The following CPNE4 variants were observed in gnomAD, a reference collection of about 807,000 sequenced individuals.
CPNE4 encodes the protein copine-4.
In CPNE4, 25 loss-of-function variants were observed where a neutral mutation model predicts 67.9. The observed-to-expected ratio is 0.37, with a 90% CI of 0.27 to 0.51. CPNE4 has a LOEUF of 0.51. Among genes scored for constraint, CPNE4 ranks in the 20% least tolerant of loss-of-function variants. The pLI, the probability that CPNE4 is intolerant of heterozygous loss-of-function variation, is 0.93. For synonymous variants in CPNE4, 242 were observed against 244.9 expected (o/e 0.99, Z 0.11); for missense variants, 464 against 690.8 (o/e 0.67, Z 3.68).
chr3:131,803,046 C>T (rs1007751031), intron 2 of CPNE4, among the ~76,000 whole-genome samples: 6 of 152,086 alleles, frequency 3.9e-5, no homozygotes, highest in Admixed American at 6.6e-5. Context: ...GTTATCTATC[C>T]AATTCAGTTT....
At chr3:131,698,858 C>T (rs116494183) in intron 4 of CPNE4, among the ~76,000 whole-genome samples, 2,910 of 139,388 alleles carry the variant, frequency 0.021, 107 homozygotes, top group African/African-American at 0.075. Flanking sequence ...TGTAGTGTGC[C>T]GATATCGTGC....
At position 131,969,604 on chromosome 3, in the gene CPNE4, C is replaced by T. The variant is rs141874564; in HGVS notation, c.-1-64160G>A. 1.2e-4 allele frequency among the ~76,000 whole-genome samples: 18 copies of T among 152,246 alleles called. No homozygotes were observed. The East Asian group carries it at 3.5e-3, about 29-fold the overall frequency. On this transcript the variant is annotated intron_variant, in intron 1 of 15. Coordinates refer to ENST00000429747, the MANE Select transcript of CPNE4 (RefSeq NM_130808.3). ...TTCTTCTCACTGACTAAGAACAGTG[C>T]TCTCAACACAGTGGAGACTCGGTAA...
At chr3:131,952,259 C>G (rs186323116) in intron 1 of CPNE4, among the ~76,000 whole-genome samples, 1 of 151,698 alleles carries the variant, frequency 6.6e-6, no homozygotes, top group East Asian at 2.0e-4. Flanking sequence ...GCCGCGAACC[C>G]GTATGGGAGG....
chr3:131,957,821 G>A (rs78776550), intron 1 of CPNE4, among the ~76,000 whole-genome samples: 8,079 of 152,282 alleles, frequency 0.053, 430 homozygotes, highest in African/African-American at 0.13. Context: ...GAAAGTGAAC[G>A]AGACGCAGAA....
intron 7 of CPNE4, among the ~76,000 whole-genome samples, chr3:131,648,011 TC>T (rs2079709882): frequency 6.6e-6 from 1 of 152,174 alleles, no homozygotes; most frequent in Non-Finnish European, 1.5e-5. Context: ...ATCATTTTTC[TC>T]CCCCATCCCA....
At position 131,698,233 on chromosome 3, in the gene CPNE4, C is replaced by CA. The variant is rs369274504; in HGVS notation, c.433-1618dup. Among the ~76,000 whole-genome samples the CA allele has an allele frequency of 9.8e-3, 628 of 64,396 alleles. 17 individuals are homozygous for CA. Among genetic ancestry groups the CA allele is most frequent in the East Asian group, 0.012 (24 of 1,966 alleles). The allele number at this position is 64,396 out of a possible 152,430, so 42.2% of individuals were successfully genotyped here. A position where few individuals can be genotyped will look rare whatever the true frequency, so the allele number is the denominator to read the frequency against. On this transcript the variant is annotated intron_variant, in intron 4 of 15. Transcript: ENST00000429747. ...CTGGGAGAGGGGCAAGGCTCTGTCT[C>CA]AAAAAAAAAAAAAAAAAAAAGAAAG...
At chr3:131,795,616 A>T (rs996141600) in intron 2 of CPNE4, among the ~76,000 whole-genome samples, 2 of 152,168 alleles carry the variant, frequency 1.3e-5, no homozygotes. Context: ...ACCACAGACT[A>T]TGAAGTGGTT....
chr3:131,562,272 C>T (rs867017184), intron 11 of CPNE4, among the ~76,000 whole-genome samples: 1 of 151,950 alleles, frequency 6.6e-6, no homozygotes, highest in African/African-American at 2.4e-5. Flanking sequence ...GCATGTGAGG[C>T]GATCAGGAAA....
At position 131,943,734 on chromosome 3, in the gene CPNE4, G is replaced by T. The variant is rs542514087; in HGVS notation, c.-1-38290C>A. ...GTTCTAAAAACACTAACATGACCTC[G>T]TATCTCCCCTACTTTCTTACTATCC... On this transcript the variant is annotated intron_variant, in intron 1 of 15. Coordinates refer to ENST00000429747, the MANE Select transcript of CPNE4 (RefSeq NM_130808.3). 2.0e-5 allele frequency among the ~76,000 whole-genome samples: 3 copies of T among 152,064 alleles called. No homozygotes were observed. The South Asian group carries it at 6.2e-4, about 32-fold the overall frequency.
intron 1 of CPNE4, among the ~76,000 whole-genome samples, chr3:131,969,793 TAAAAC>T (rs1365507848): frequency 6.6e-6 from 1 of 152,210 alleles, no homozygotes; most frequent in Non-Finnish European, 1.5e-5. Flanking sequence ...TCATGTCAAA[TAAAAC>T]AAAACAAAAC....
intron 2 of CPNE4, among the ~76,000 whole-genome samples, chr3:131,801,220 G>C (rs1304672315): frequency 6.6e-6 from 1 of 151,390 alleles, no homozygotes; most frequent in Non-Finnish European, 1.5e-5. Flanking sequence ...TACTCAGACA[G>C]TACCTGGAAT....
chr3:131,711,616 G>A (rs1405066130), intron 3 of CPNE4, among the ~76,000 whole-genome samples: 1 of 152,086 alleles, frequency 6.6e-6, no homozygotes, highest in African/African-American at 2.4e-5. Context: ...GGCCCTTGAC[G>A]GCTCATGTTC....
chr3:131,731,901 A>G (rs1386233970), intron 2 of CPNE4, among the ~76,000 whole-genome samples: 1 of 152,204 alleles, frequency 6.6e-6, no homozygotes, highest in Non-Finnish European at 1.5e-5. Context: ...CATATATACT[A>G]GTAATTCTCA....
intron 2 of CPNE4, among the ~76,000 whole-genome samples, chr3:131,747,142 T>C (rs2082510970): frequency 6.6e-6 from 1 of 151,696 alleles, no homozygotes; most frequent in Non-Finnish European, 1.5e-5. Flanking sequence ...TCTCTTGTTG[T>C]TGAGTTGTTT....
chr3:131,966,960 T>C (rs2072368642), intron 1 of CPNE4, among the ~76,000 whole-genome samples: 1 of 152,140 alleles, frequency 6.6e-6, no homozygotes, highest in Admixed American at 6.5e-5. Flanking sequence ...TGAACAACAA[T>C]GCAAAAATCC....
rs547656785 is a variant in CPNE4, at chr3:131,747,951, T to A, written c.181-24326A>T. ...CCTATTTTGGAGGAAAGCACTCAGT[T>A]TTTTACCATTAAGTATAATATTAGT... is the stretch of plus-strand genomic sequence containing the variant. On this transcript the variant is annotated intron_variant, in intron 2 of 15. Coordinates refer to ENST00000429747, the MANE Select transcript of CPNE4 (RefSeq NM_130808.3). 7.5e-3 allele frequency among the ~76,000 whole-genome samples: 1,147 copies of A among 152,210 alleles called. 15 individuals are homozygous for A. Among genetic ancestry groups the A allele is most frequent in the African/African-American group, 0.025 (1,026 of 41,542 alleles).
intron 7 of CPNE4, among the ~76,000 whole-genome samples, chr3:131,655,153 T>C (rs1039185077): frequency 6.6e-6 from 1 of 152,240 alleles, no homozygotes; most frequent in African/African-American, 2.4e-5. Flanking sequence ...ATTTCTTCTA[T>C]ATGAATCATG....
In CPNE4 at chr3:131,931,652, T is replaced by G. The variant is rs1474417420; in HGVS notation, c.-1-26208A>C. ...CATTTATGTCCCCTCCCCCATTTCA[T>G]CCCTGTCTTTGTTTTGCTCTACCTC... On this transcript the variant is annotated intron_variant, in intron 1 of 15. Transcript: ENST00000429747. 3.9e-5 allele frequency among the ~76,000 whole-genome samples: 6 copies of G among 152,180 alleles called. No homozygotes were observed. The East Asian group carries it at 1.2e-3, about 30-fold the overall frequency.
intron 1 of CPNE4, among the ~76,000 whole-genome samples, chr3:131,924,524 T>C (rs1442904593): frequency 6.6e-6 from 1 of 152,192 alleles, no homozygotes; most frequent in Non-Finnish European, 1.5e-5. Flanking sequence ...CAGGAATCAC[T>C]TGGAGATCTT....
Sources: gnomAD v4.1 joint callset for allele counts (sites outside exome capture counted in the v4.1 genomes callset) on GRCh38, gnomAD v4.1.1 for gene constraint, MANE v1.5 for transcripts, NCBI Gene and HGNC (gene_info 2026-07-23, HGNC 2026-07-21) for gene names.